Variants in KAT2B observed in about 807,000 individuals in gnomAD.
KAT2B encodes histone acetyltransferase KAT2B.
Under a neutral mutation model 105.9 loss-of-function variants are expected in KAT2B, and 36 were observed. The observed-to-expected ratio is 0.34, with a 90% CI of 0.26 to 0.45. The LOEUF (loss-of-function observed/expected upper bound fraction) is 0.45, where lower values mean the gene tolerates loss of function less well. Ranked by LOEUF, KAT2B falls within the 20% of genes least tolerant of loss-of-function variation. KAT2B has a pLI of 1.00. For missense variants in KAT2B, 820 were observed against 1,021.6 expected, an observed-to-expected ratio of 0.80 and a Z score of 2.69; for synonymous variants, 397 against 377.9, an observed-to-expected ratio of 1.05 and a Z score of -0.59.
At chr3:20,046,702 C>G (rs961200288) in intron 1 of KAT2B, among the ~76,000 whole-genome samples, 1 of 152,198 alleles carries the variant, frequency 6.6e-6, no homozygotes, top group Non-Finnish European at 1.5e-5. Flanking sequence ...CTAGAACAAG[C>G]CTTATAGTTG....
chr3:20,045,989 A>T (rs1697802336), intron 1 of KAT2B, among the ~76,000 whole-genome samples: 1 of 152,224 alleles, frequency 6.6e-6, no homozygotes, highest in Non-Finnish European at 1.5e-5. Context: ...CAGCTCTGCC[A>T]CTTGTGTGAT....
At chr3:20,089,768 C>A (rs6809650) in intron 2 of KAT2B, among the ~76,000 whole-genome samples, 25,036 of 151,896 alleles carry the variant, frequency 0.16, 4,205 homozygotes, top group African/African-American at 0.42. Context: ...TAAATTTATT[C>A]CTAGGTATTT....
chr3:20,150,766 T>C (rs564941019), intron 17 of KAT2B, among the ~76,000 whole-genome samples: 11 of 152,318 alleles, frequency 7.2e-5, no homozygotes, highest in African/African-American at 2.6e-4. Flanking sequence ...TCTTGCTTTG[T>C]TTCTGCTGCA....
intron 2 of KAT2B, among the ~76,000 whole-genome samples, chr3:20,089,184 T>G (rs1006101116): frequency 1.3e-5 from 2 of 152,192 alleles, no homozygotes; most frequent in Non-Finnish European, 2.9e-5. Context: ...TTTGTTCTTT[T>G]TGCTCAAGAT....
Position 20,040,466 on chromosome 3 carries a change from C to A in KAT2B, c.-12C>A. ...CTGACACTCGGCGCCTCCTGCCGTG[C>A]TCCGGGGCGGCATGTCCGAGGCTGG... On this transcript the variant is annotated 5_prime_UTR_variant, in exon 1 of 18. Transcript: ENST00000263754. 1 of 1,073,512 alleles carries A rather than the reference C, an allele frequency of 9.3e-7. No homozygotes were observed. Among genetic ancestry groups the A allele is most frequent in the Non-Finnish European group, 1.1e-6 (1 of 888,676 alleles). 66.5% of individuals were successfully genotyped at this position (1,073,512 alleles called of 1,614,324 possible).
intron 1 of KAT2B, among the ~76,000 whole-genome samples, chr3:20,044,837 C>A (rs575455600): frequency 3.2e-4 from 49 of 152,248 alleles, no homozygotes; most frequent in Non-Finnish European, 5.7e-4. Flanking sequence ...TGAATAGATT[C>A]TTAGCCATGC....
At chr3:20,058,078 C>A (rs1453670665) in intron 1 of KAT2B, among the ~76,000 whole-genome samples, 1 of 152,120 alleles carries the variant, frequency 6.6e-6, no homozygotes. Context: ...GATATGCTTT[C>A]CACTCTCTTT....
intron 1 of KAT2B, among the ~76,000 whole-genome samples, chr3:20,048,394 T>C (rs1366505182): frequency 2.0e-5 from 3 of 152,198 alleles, no homozygotes; most frequent in African/African-American, 7.2e-5. Flanking sequence ...TGCTTGGAAA[T>C]AGCGATTTGT....
chr3:20,101,517 G>C lies in KAT2B; in HGVS notation c.851+49G>C. ...CTTTGGCCCCATAAAGCCTGTTACA[G>C]ACCTAAAATTGTACTTGACTCTATA... is the stretch of plus-strand genomic sequence containing the variant. On this transcript the variant is annotated intron_variant, in intron 5 of 17. Coordinates refer to ENST00000263754, the MANE Select transcript of KAT2B (RefSeq NM_003884.5). 2.6e-6 allele frequency: 4 copies of C among 1,534,232 alleles called. No homozygotes were observed. The East Asian group carries it at 9.0e-5, about 35-fold the overall frequency.
At chr3:20,129,499 T>G (rs932277279) in intron 11 of KAT2B, among the ~76,000 whole-genome samples, 76 of 151,550 alleles carry the variant, frequency 5.0e-4, no homozygotes, top group African/African-American at 1.7e-3. Context: ...CTCAGCCTCA[T>G]GCGTAGCTGG....
intron 5 of KAT2B, among the ~76,000 whole-genome samples, chr3:20,107,120 C>T (rs1470872518): frequency 1.5e-5 from 2 of 136,960 alleles, no homozygotes; most frequent in African/African-American, 5.5e-5. Flanking sequence ...GCAACCTCCA[C>T]CTCCTGGGTT....
rs149389663 is a variant in KAT2B, at chr3:20,051,064, G to A, written c.303+10284G>A. ...AAAATACAAAAATTAGCTGGGCATGGTGGCACACACCTGTAGTCCCAGCTT... is the reference window on the plus strand; with the variant it reads ...AAAATACAAAAATTAGCTGGGCATGATGGCACACACCTGTAGTCCCAGCTT... On this transcript the variant is annotated intron_variant, in intron 1 of 17. Coordinates refer to ENST00000263754, the MANE Select transcript of KAT2B (RefSeq NM_003884.5). 3.5e-3 allele frequency among the ~76,000 whole-genome samples: 526 copies of A among 152,064 alleles called. 4 individuals are homozygous for A. The highest frequency in any genetic ancestry group is 0.012 in the African/African-American group (500 of 41,496).
At chr3:20,065,603 C>T (rs2125176417) in intron 1 of KAT2B, among the ~76,000 whole-genome samples, 1 of 152,216 alleles carries the variant, frequency 6.6e-6, no homozygotes, top group African/African-American at 2.4e-5. Context: ...TCCTTTTTAG[C>T]AAATCAAGTA....
intron 2 of KAT2B, among the ~76,000 whole-genome samples, chr3:20,093,814 T>G (rs79098655): frequency 6.6e-6 from 1 of 152,320 alleles, no homozygotes; most frequent in East Asian, 1.9e-4. Flanking sequence ...CCTCCTGTTA[T>G]GTGGCAAACG....
chr3:20,071,052 A>T (rs1290486803), intron 1 of KAT2B, among the ~76,000 whole-genome samples: 1 of 152,152 alleles, frequency 6.6e-6, no homozygotes, highest in Non-Finnish European at 1.5e-5. Flanking sequence ...GTATTACAAA[A>T]GTAAAAATAA....
intron 11 of KAT2B, among the ~76,000 whole-genome samples, chr3:20,132,476 G>C (rs1319178687): frequency 1.3e-5 from 2 of 152,222 alleles, no homozygotes; most frequent in African/African-American, 2.4e-5. Flanking sequence ...GAAGTTACCA[G>C]ATAGTTAGAA....
chr3:20,042,186 C>T (rs1442759054), intron 1 of KAT2B, among the ~76,000 whole-genome samples: 1 of 152,228 alleles, frequency 6.6e-6, no homozygotes, highest in African/African-American at 2.4e-5. Context: ...TGCTAGTCCA[C>T]AGACCACATT....
chr3:20,118,103 C>G (rs1035459358), intron 7 of KAT2B, among the ~76,000 whole-genome samples: 3 of 149,282 alleles, frequency 2.0e-5, no homozygotes, highest in Non-Finnish European at 4.4e-5. Flanking sequence ...ATTCTCTCCA[C>G]TCTTCCCCTA....
At chr3:20,090,339 CACAT>C (rs1443202057) in intron 2 of KAT2B, among the ~76,000 whole-genome samples, 1 of 152,270 alleles carries the variant, frequency 6.6e-6, no homozygotes, top group East Asian at 1.9e-4. Context: ...GTGGGTTTGT[CACAT>C]ACGGCCTTTT....
Sources: gnomAD v4.1 joint callset for allele counts (sites outside exome capture counted in the v4.1 genomes callset) on GRCh38, gnomAD v4.1.1 for gene constraint, MANE v1.5 for transcripts, NCBI Gene and HGNC (gene_info 2026-07-23, HGNC 2026-07-21) for gene names.